Variants in NTM observed in about 807,000 individuals in gnomAD.
NTM encodes neurotrimin, also known as IgLON family member 2.
A neutral mutation model predicts 42.1 loss-of-function variants in NTM; 13 were observed. That is an observed-to-expected ratio of 0.31 (90% confidence interval 0.20 to 0.49). The LOEUF (loss-of-function observed/expected upper bound fraction) is 0.49, where lower values mean the gene tolerates loss of function less well. Ranked by LOEUF, NTM falls within the 20% of genes least tolerant of loss-of-function variation. The pLI, the probability that NTM is intolerant of heterozygous loss-of-function variation, is 0.99. For synonymous variants in NTM, 187 were observed against 179.2 expected, an observed-to-expected ratio of 1.04 and a Z score of -0.35; for missense variants, 373 against 452.8, an observed-to-expected ratio of 0.82 and a Z score of 1.60.
rs145089259 is a variant in NTM at position 131,506,363 on chromosome 11, C to A, written c.82+135475C>A. Among the ~76,000 whole-genome samples the A allele has an allele frequency of 1.0e-3, 154 of 152,276 alleles. 1 individual carries two copies. The highest frequency in any genetic ancestry group is 3.4e-3 in the African/African-American group (141 of 41,550). ...ACTCCAAATGCTGGTGCCCGAATAT[C>A]TTTAATTCCTTCTGAAGGGTCGGGG... is the stretch of plus-strand genomic sequence containing the variant. On this transcript the variant is annotated intron_variant, in intron 1 of 8. Transcript: ENST00000683400.
chr11:131,773,548 C>A (rs1157403993), intron 1 of NTM, among the ~76,000 whole-genome samples: 1 of 152,142 alleles, frequency 6.6e-6, no homozygotes, highest in African/African-American at 2.4e-5. Context: ...TGTTGTCCAG[C>A]ATTTTCTGTA....
Position 132,163,824 on chromosome 11 carries a change from A to G in NTM, c.400+17310A>G, listed in dbSNP as rs151200515. Among the ~76,000 whole-genome samples, 17 of 152,238 alleles carry G rather than the reference A, an allele frequency of 1.1e-4. No individual in the cohort carries two copies. The East Asian group carries it at 3.1e-3, about 28-fold the overall frequency. On this transcript the variant is annotated intron_variant, in intron 3 of 8. Coordinates refer to ENST00000683400, the MANE Select transcript of NTM (RefSeq NM_001352005.2). ...GAGATACTTGGGGTATTGTTAGGCA[A>G]TACCAACGTTGAGGTCCTCCTCAGA...
chr11:131,499,913 T>A (rs437973), intron 1 of NTM, among the ~76,000 whole-genome samples: 1 of 152,174 alleles, frequency 6.6e-6, no homozygotes, highest in Non-Finnish European at 1.5e-5. Flanking sequence ...GAATAATTTC[T>A]TCTCTTTGAG....
intron 1 of NTM, among the ~76,000 whole-genome samples, chr11:131,571,912 G>A (rs947894623): frequency 6.6e-6 from 1 of 152,218 alleles, no homozygotes; most frequent in African/African-American, 2.4e-5. Context: ...AGTGAAATCT[G>A]TCTTCCAAGA....
chr11:131,974,926 C>T (rs2064091593), intron 2 of NTM, among the ~76,000 whole-genome samples: 1 of 152,094 alleles, frequency 6.6e-6, no homozygotes, highest in East Asian at 1.9e-4. Flanking sequence ...TCACAAATGT[C>T]CTAAATTATG....
intron 2 of NTM, among the ~76,000 whole-genome samples, chr11:132,052,906 C>G (rs1189443390): frequency 6.6e-6 from 1 of 151,070 alleles, no homozygotes; most frequent in Non-Finnish European, 1.5e-5. Flanking sequence ...ATTTTTTTTT[C>G]TCATGGTGTC....
chr11:132,276,004 G>T (rs1237415476), intron 4 of NTM, among the ~76,000 whole-genome samples: 3 of 151,590 alleles, frequency 2.0e-5, no homozygotes, highest in Non-Finnish European at 2.9e-5. Context: ...GCTTCTCCTT[G>T]CTAGTCTCTG....
intron 2 of NTM, among the ~76,000 whole-genome samples, chr11:131,927,433 T>C (rs1276902340): frequency 1.3e-5 from 2 of 152,216 alleles, no homozygotes; most frequent in Admixed American, 1.3e-4. Flanking sequence ...TGCCCAAGTC[T>C]CTAGGAAGAC....
intron 1 of NTM, among the ~76,000 whole-genome samples, chr11:131,649,018 C>G (rs766667914): frequency 6.6e-6 from 1 of 152,120 alleles, no homozygotes; most frequent in African/African-American, 2.4e-5. Flanking sequence ...CCCTGAGGTC[C>G]GCTGATGTTG....
At chr11:131,730,089 C>T (rs1429130893) in intron 1 of NTM, among the ~76,000 whole-genome samples, 3 of 152,150 alleles carry the variant, frequency 2.0e-5, no homozygotes, top group Admixed American at 6.5e-5. Flanking sequence ...CACATCCTTG[C>T]CAGCACTTGT....
Position 131,789,636 on chromosome 11 carries a change from A to AGAAGAAGAG in NTM, c.83-121928_83-121927insGAAGAAGAG, listed in dbSNP as rs1555127949. On this transcript the variant is annotated intron_variant, in intron 1 of 8. Coordinates refer to ENST00000683400, the MANE Select transcript of NTM (RefSeq NM_001352005.2). Reference sequence around the variant, plus strand: ...AAGAAGAAGAAGAAGAAGAAGAAGAAAAGAAGAAGAAGAAGAAGAAGAAGA... The same window carrying AGAAGAAGAG: ...AAGAAGAAGAAGAAGAAGAAGAAGAAGAAGAAGAGAAGAAGAAGAAGAAGAAGAAGAAGA... Among the ~76,000 whole-genome samples the AGAAGAAGAG allele has an allele frequency of 3.9e-4, 12 of 30,900 alleles. 4 individuals are homozygous for AGAAGAAGAG. Among genetic ancestry groups the AGAAGAAGAG allele is most frequent in the East Asian group, 1.1e-3 (1 of 896 alleles). 20.3% of individuals were successfully genotyped at this position (30,900 alleles called of 152,430 possible). A position where few individuals can be genotyped will look rare whatever the true frequency, so the allele number is the denominator to read the frequency against.
chr11:132,010,168 G>A (rs2071805136), intron 2 of NTM, among the ~76,000 whole-genome samples: 1 of 152,128 alleles, frequency 6.6e-6, no homozygotes, highest in South Asian at 2.1e-4. Flanking sequence ...TATTAGCTTT[G>A]ATCTTACTCT....
chr11:132,317,041 CTAGACGTT>C (rs2095446931), intron 7 of NTM, among the ~76,000 whole-genome samples: 1 of 152,144 alleles, frequency 6.6e-6, no homozygotes, highest in Non-Finnish European at 1.5e-5. Flanking sequence ...TCCAAGTGGC[CTAGACGTT>C]GAGAAGTGAG....
At position 132,146,243 on chromosome 11, in the gene NTM, T is replaced by C. The variant is rs758932685; in HGVS notation, c.168-39T>C. 3 of 1,608,846 alleles carry C rather than the reference T, an allele frequency of 1.9e-6. No homozygotes were observed. Among genetic ancestry groups the C allele is most frequent in the Non-Finnish European group, 2.6e-6 (3 of 1,176,212 alleles). ...CCTCCCTCTGATGGCTGCTGTCGTC[T>C]CTCAGTCCCTTGACGTACCTGTCTG... On this transcript the variant is annotated intron_variant, in intron 2 of 8. Coordinates refer to ENST00000683400, the MANE Select transcript of NTM (RefSeq NM_001352005.2). The surrounding 1 kb of genome is among the most constrained non-coding windows in gnomAD (Gnocchi z 4.5).
intron 1 of NTM, among the ~76,000 whole-genome samples, chr11:131,471,786 G>A (rs1952466186): frequency 6.6e-6 from 1 of 152,196 alleles, no homozygotes; most frequent in Admixed American, 6.5e-5. Context: ...AGCTGCTCCT[G>A]GAGGTTCTGT....
At chr11:131,753,904 TAAAAA>T (rs1424638191) in intron 1 of NTM, among the ~76,000 whole-genome samples, 1 of 142,790 alleles carries the variant, frequency 7.0e-6, no homozygotes, top group Admixed American at 7.1e-5. Flanking sequence ...ATAATAAAAT[TAAAAA>T]AAGAAAATGT....
chr11:131,458,404 A>AGAG (rs1951093396), intron 1 of NTM, among the ~76,000 whole-genome samples: 5 of 152,246 alleles, frequency 3.3e-5, no homozygotes, highest in Admixed American at 2.6e-4. Flanking sequence ...TTTATAGGGC[A>AGAG]CAGAGGAGAG....
chr11:131,698,977 AAACATG>A (rs1394956699), intron 1 of NTM, among the ~76,000 whole-genome samples: 15 of 152,222 alleles, frequency 9.9e-5, no homozygotes, highest in Non-Finnish European at 2.2e-4. Flanking sequence ...GGAATTAGGG[AAACATG>A]AGAGGTGGTG....
intron 2 of NTM, among the ~76,000 whole-genome samples, chr11:132,058,345 T>C (rs2080056085): frequency 6.6e-6 from 1 of 152,202 alleles, no homozygotes; most frequent in African/African-American, 2.4e-5. Flanking sequence ...GTCCTGGCTG[T>C]GGTGAGTCCT....
Sources: gnomAD v4.1 joint callset for allele counts (sites outside exome capture counted in the v4.1 genomes callset) on GRCh38, gnomAD v4.1.1 for gene constraint, Gnocchi (gnomAD v3.1) non-coding constraint, MANE v1.5 for transcripts, NCBI Gene and HGNC (gene_info 2026-07-23, HGNC 2026-07-21) for gene names.